SLC30A4: variants seen among roughly 807,000 people sequenced by gnomAD.
SLC30A4 encodes the protein solute carrier family 30 member 4.
In SLC30A4, 20 loss-of-function variants were observed where a neutral mutation model predicts 41.7. The ratio of observed to expected loss-of-function variants is 0.48; its 90% confidence interval spans 0.34 to 0.70. The LOEUF (loss-of-function observed/expected upper bound fraction) is 0.70. Among genes scored for constraint, SLC30A4 ranks in the 30% least tolerant of loss-of-function variants. The pLI is 0.01. For synonymous variants in SLC30A4, 181 were observed against 195.9 expected, an observed-to-expected ratio of 0.92 and a Z score of 0.64; for missense variants, 441 against 529.3, an observed-to-expected ratio of 0.83 and a Z score of 1.64.
intron 3 of SLC30A4, chr15:45,502,944 T>C (rs1280400498): frequency 2.0e-5 from 3 of 151,592 alleles, no homozygotes; most frequent in African/African-American, 7.3e-5. Context: ...CAGTGAGCTA[T>C]GATGGTGTCA....
At chr15:45,492,064 G>A (rs1252045517) in intron 3 of SLC30A4, among the ~76,000 whole-genome samples, 2 of 152,028 alleles carry the variant, frequency 1.3e-5, no homozygotes, top group Non-Finnish European at 2.9e-5. Context: ...TACCTTTTTA[G>A]AGAGCCAATT....
Position 45,488,770 on chromosome 15 carries a change from T to C in SLC30A4, c.894+71A>G, listed in dbSNP as rs1023443202. Reference sequence around the variant, plus strand: ...GGCACTGGTGTCCAGTATACTGATATGACAATCAGCCTTAGTTTTCATGTT... The same window carrying C: ...GGCACTGGTGTCCAGTATACTGATACGACAATCAGCCTTAGTTTTCATGTT... On this transcript the variant is annotated intron_variant, in intron 5 of 7. Coordinates refer to ENST00000261867, the MANE Select transcript of SLC30A4 (RefSeq NM_013309.6). 4.1e-6 allele frequency: 5 copies of C among 1,216,830 alleles called. No homozygotes were observed. The African/African-American group carries it at 4.5e-5, about 11-fold the overall frequency. 75.4% of individuals were successfully genotyped at this position (1,216,830 alleles called of 1,614,324 possible).
chr15:45,522,679 T>C lies in SLC30A4; in HGVS notation c.-187A>G. The C allele has an allele frequency of 4.9e-6, 1 of 204,100 alleles. No homozygotes were observed. Among genetic ancestry groups the C allele is most frequent in the Non-Finnish European group, 9.6e-6 (1 of 103,844 alleles). The allele number at this position is 204,100 out of a possible 1,614,324, so 12.6% of individuals were successfully genotyped here. A position where few individuals can be genotyped will look rare whatever the true frequency, so the allele number is the denominator to read the frequency against. On this transcript the variant is annotated 5_prime_UTR_variant, in exon 1 of 8. Coordinates refer to ENST00000261867, the MANE Select transcript of SLC30A4 (RefSeq NM_013309.6). ...GCTCAGCGAGGCGGGCTCGCGCTGCTCCACCCGCGGCCGCAGGAGAGTGGG... is the reference window on the plus strand; with the variant it reads ...GCTCAGCGAGGCGGGCTCGCGCTGCCCCACCCGCGGCCGCAGGAGAGTGGG...
chr15:45,485,584 A>G (rs1368806869), intron 7 of SLC30A4, among the ~76,000 whole-genome samples: 1 of 152,222 alleles, frequency 6.6e-6, no homozygotes, highest in Non-Finnish European at 1.5e-5. Context: ...TGTGCACATT[A>G]AAAGTAAACC....
At chr15:45,506,907 G>C (rs1253115989) in intron 3 of SLC30A4, among the ~76,000 whole-genome samples, 1 of 152,168 alleles carries the variant, frequency 6.6e-6, no homozygotes, top group Non-Finnish European at 1.5e-5. Context: ...ACATGTACAA[G>C]GTTGTGCAGC....
chr15:45,499,010 G>A (rs2140827642), intron 3 of SLC30A4, among the ~76,000 whole-genome samples: 1 of 151,758 alleles, frequency 6.6e-6, no homozygotes, highest in Admixed American at 6.6e-5. Context: ...CAGGGTTTCT[G>A]CTCAGTAAAA....
chr15:45,505,987 C>T (rs534361621), intron 3 of SLC30A4, among the ~76,000 whole-genome samples: 34 of 151,922 alleles, frequency 2.2e-4, no homozygotes, highest in Non-Finnish European at 4.3e-4. Context: ...CAAAACCAGC[C>T]TGGGAAACAG....
chr15:45,490,852 A>G lies in SLC30A4; in HGVS notation c.568T>C (p.Leu190=). 6.3e-7 allele frequency: 1 copy of G among 1,598,082 alleles called. No homozygotes were observed. Among genetic ancestry groups the G allele is most frequent in the Non-Finnish European group, 8.5e-7 (1 of 1,172,712 alleles). ...EVLSAMISVL[L]VYILMGFLLY... ...AGGAATCCCATAAGTATATACACCA[A>G]CAGCACACTAATCATAGCTGACAAA... is the stretch of plus-strand genomic sequence containing the variant. Residue 190 remains leucine, a synonymous_variant, in exon 4 of 8, where the codon TTG becomes CTG. Coordinates refer to ENST00000261867, the MANE Select transcript of SLC30A4 (RefSeq NM_013309.6).
At chr15:45,521,937 G>A in intron 2 of SLC30A4, 27 bp downstream of exon 2, 1 of 1,597,650 alleles carries the variant, frequency 6.3e-7, no homozygotes, top group Non-Finnish European at 8.6e-7. Context: ...AAAGGTAAAC[G>A]GAAAGTGAGT....
intron 2 of SLC30A4, among the ~76,000 whole-genome samples, chr15:45,520,082 A>G (rs1381787272): frequency 6.6e-6 from 1 of 152,220 alleles, no homozygotes; most frequent in Non-Finnish European, 1.5e-5. Flanking sequence ...CTAGGAATTC[A>G]GCCTGTATTT....
rs767686958 is a variant in SLC30A4, at chr15:45,522,395, A to AGGCG, written c.-45_-42dup. The stretch of plus-strand genomic sequence containing the variant: ...GCCGCGGTGCGGAACGGCTTGGGGG[A>AGGCG]GGCGGACGGCCGGCGGCGCCTACTT... On this transcript the variant is annotated 5_prime_UTR_variant, in exon 2 of 8. Transcript: ENST00000261867. 8 of 1,532,904 alleles carry AGGCG rather than the reference A, an allele frequency of 5.2e-6. No homozygotes were observed. In the African/African-American group the frequency reaches 9.7e-5, roughly 19 times the overall value. The allele number at this position is 1,532,904 out of a possible 1,614,324, so 95.0% of individuals were successfully genotyped here.
chr15:45,491,741 C>T (rs1891813769), intron 3 of SLC30A4, among the ~76,000 whole-genome samples: 3 of 151,934 alleles, frequency 2.0e-5, no homozygotes, highest in Admixed American at 2.0e-4. Flanking sequence ...TGGTGGTGAG[C>T]ACCTATGGTC....
At chr15:45,507,324 AT>A (rs1892181157) in intron 3 of SLC30A4, among the ~76,000 whole-genome samples, 4 of 98,014 alleles carry the variant, frequency 4.1e-5, no homozygotes, top group African/African-American at 2.6e-4. Context: ...TGTCTCAAAA[AT>A]AAATAAATAA....
At chr15:45,518,934 T>A (rs760601496) in intron 2 of SLC30A4, among the ~76,000 whole-genome samples, 21 of 152,176 alleles carry the variant, frequency 1.4e-4, no homozygotes, top group Non-Finnish European at 2.5e-4. Flanking sequence ...CTTCATTTTT[T>A]AAAAATATAT....
chr15:45,509,461 C>T (rs1892232632), intron 3 of SLC30A4, among the ~76,000 whole-genome samples: 1 of 152,046 alleles, frequency 6.6e-6, no homozygotes, highest in African/African-American at 2.4e-5. Context: ...ACCATGTTGG[C>T]TAGGCTGGTC....
chr15:45,518,202 C>T (rs1358568406), intron 2 of SLC30A4, among the ~76,000 whole-genome samples: 1 of 152,114 alleles, frequency 6.6e-6, no homozygotes, highest in Non-Finnish European at 1.5e-5. Context: ...TTGGGTAACT[C>T]CTACTATTCT....
intron 3 of SLC30A4, among the ~76,000 whole-genome samples, chr15:45,495,560 CA>C (rs1223681192): frequency 6.6e-6 from 1 of 152,220 alleles, no homozygotes; most frequent in Non-Finnish European, 1.5e-5. Flanking sequence ...GCAAATCCCA[CA>C]CTCCAGTGAT....
chr15:45,520,108 A>G (rs1892618624), intron 2 of SLC30A4, among the ~76,000 whole-genome samples: 1 of 152,204 alleles, frequency 6.6e-6, no homozygotes, highest in Non-Finnish European at 1.5e-5. Flanking sequence ...GAAACAGGTA[A>G]TATTAAATGA....
At chr15:45,492,657 G>C (rs1891832128) in intron 3 of SLC30A4, among the ~76,000 whole-genome samples, 1 of 151,860 alleles carries the variant, frequency 6.6e-6, no homozygotes, top group South Asian at 2.1e-4. Context: ...GCTTATTCTG[G>C]TAAGGAATAA....
Sources: allele counts gnomAD v4.1 joint callset (sites outside exome capture counted in the v4.1 genomes callset), GRCh38; gene constraint gnomAD v4.1.1; transcripts MANE v1.5; gene names NCBI Gene and HGNC (gene_info 2026-07-23, HGNC 2026-07-21).